CASP4: variants seen among roughly 807,000 people sequenced by gnomAD.
CASP4 encodes the protein caspase-4.
Under a neutral mutation model 41.3 loss-of-function variants are expected in CASP4, and 29 were observed. The observed-to-expected ratio is 0.70, with a 90% CI of 0.52 to 0.96. The LOEUF (loss-of-function observed/expected upper bound fraction) is 0.96. Ranked by LOEUF, CASP4 falls within the 40% of genes least tolerant of loss-of-function variation. CASP4 has a pLI of 0.00. For synonymous variants in CASP4, 185 were observed against 158.4 expected (o/e 1.17, Z -1.26); for missense variants, 447 against 460.6 (o/e 0.97, Z 0.27).
intron 1 of CASP4, among the ~76,000 whole-genome samples, chr11:104,965,028 G>C (rs993453527): frequency 2.6e-5 from 4 of 152,122 alleles, no homozygotes; most frequent in Non-Finnish European, 5.9e-5. Flanking sequence ...TAAAAATAGG[G>C]TCTGGAGAGA....
chr11:104,954,898 C>A lies in CASP4; in HGVS notation c.111G>T (p.Trp37Cys). The A allele has an allele frequency of 6.2e-7, 1 of 1,613,724 alleles. No homozygotes were observed. The highest frequency in any genetic ancestry group is 8.5e-7 in the Non-Finnish European group (1 of 1,179,758). ...DNLVEQNVLN[W>C]KEEEKKKYYD... ...AATATTTCTTTTTTTCCTCTTCCTTCCAGTTCAGTACATTTTGTTCCACCA... is the reference window on the plus strand; with the variant it reads ...AATATTTCTTTTTTTCCTCTTCCTTACAGTTCAGTACATTTTGTTCCACCA... Residue 37 changes from tryptophan (W) to cysteine (C), a missense_variant, in exon 2 of 9, where the codon TGG becomes TGT. Physicochemically the swap from Trp to Cys is radical, Grantham distance 215. Transcript: ENST00000444739.
At chr11:104,951,626 G>A in intron 3 of CASP4, 1 of 477,362 alleles carries the variant, frequency 2.1e-6, no homozygotes, top group Non-Finnish European at 3.8e-6. Flanking sequence ...TGCTACAATT[G>A]CCATAAAATC....
chr11:104,967,916 G>T (rs1219955543), intron 1 of CASP4, among the ~76,000 whole-genome samples: 1 of 152,116 alleles, frequency 6.6e-6, no homozygotes, highest in Non-Finnish European at 1.5e-5. Context: ...TAAAAGTTGT[G>T]TGCAGAATGG....
intron 2 of CASP4, among the ~76,000 whole-genome samples, chr11:104,953,195 C>T (rs921479011): frequency 1.3e-5 from 2 of 152,016 alleles, no homozygotes; most frequent in African/African-American, 4.8e-5. Context: ...CCAAAGAGAG[C>T]TGGATACACT....
intron 8 of CASP4, 176 bp from the exon 9 acceptor site, chr11:104,943,149 A>G (rs1860365833): frequency 2.9e-6 from 1 of 348,892 alleles, no homozygotes; most frequent in Non-Finnish European, 5.6e-6. Context: ...AACCTAATTT[A>G]AAGCATATTA....
At chr11:104,951,750 C>T (rs1860617797) in intron 3 of CASP4, 146 bp downstream of exon 3, 2 of 691,780 alleles carry the variant, frequency 2.9e-6, no homozygotes, top group Non-Finnish European at 5.3e-6. Flanking sequence ...TGTGAAGTCA[C>T]ATAATCTTTC....
At chr11:104,959,169 A>C (rs1860805115) in intron 1 of CASP4, among the ~76,000 whole-genome samples, 1 of 152,098 alleles carries the variant, frequency 6.6e-6, no homozygotes, top group Admixed American at 6.6e-5. Context: ...AATAGCCAAG[A>C]TATAAAATCA....
At chr11:104,947,880 T>TA (rs1860502509) in intron 6 of CASP4, 1 of 152,188 alleles carries the variant, frequency 6.6e-6, no homozygotes, top group Non-Finnish European at 1.5e-5. Flanking sequence ...AGAAGAGAGA[T>TA]ATGTTTATGG....
intron 1 of CASP4, among the ~76,000 whole-genome samples, chr11:104,965,743 A>G (rs935670396): frequency 2.0e-5 from 3 of 152,232 alleles, no homozygotes; most frequent in Admixed American, 6.5e-5. Context: ...CTACAAGACT[A>G]AAAATTACAA....
At chr11:104,944,646 T>C in intron 8 of CASP4, 102 bp downstream of exon 8, 1 of 725,606 alleles carries the variant, frequency 1.4e-6, no homozygotes, top group Middle Eastern at 3.0e-4. Context: ...AAAACACCAA[T>C]TTGACCATCC....
chr11:104,955,650 A>G (rs1453609436), intron 1 of CASP4, among the ~76,000 whole-genome samples: 1 of 152,114 alleles, frequency 6.6e-6, no homozygotes, highest in African/African-American at 2.4e-5. Context: ...AATTGAAAGT[A>G]ACCTGATTCC....
At chr11:104,966,305 A>T (rs564796816) in intron 1 of CASP4, among the ~76,000 whole-genome samples, 2 of 149,782 alleles carry the variant, frequency 1.3e-5, no homozygotes, top group African/African-American at 5.1e-5. Flanking sequence ...AGGCATGTTC[A>T]TTCCCCTATC....
intron 2 of CASP4, among the ~76,000 whole-genome samples, chr11:104,953,614 C>T (rs1340287912): frequency 6.6e-6 from 1 of 152,074 alleles, no homozygotes; most frequent in Non-Finnish European, 1.5e-5. Context: ...TAGGAACACC[C>T]CTTCTTCATA....
chr11:104,954,657 T>C, intron 2 of CASP4, 90 bp downstream of exon 2: 1 of 1,156,324 alleles, frequency 8.6e-7, no homozygotes, highest in Non-Finnish European at 1.3e-6. Context: ...AAGGGAAAGA[T>C]AGGGGAATCA....
intron 1 of CASP4, among the ~76,000 whole-genome samples, chr11:104,965,686 T>C (rs1220229159): frequency 6.6e-6 from 1 of 152,194 alleles, no homozygotes; most frequent in Admixed American, 6.6e-5. Context: ...GAAAAGACCC[T>C]CTTCTTGCCT....
At chr11:104,955,992 T>A (rs887019252) in intron 1 of CASP4, among the ~76,000 whole-genome samples, 52 of 152,098 alleles carry the variant, frequency 3.4e-4, no homozygotes, top group African/African-American at 1.3e-3. Flanking sequence ...GAATTAATAT[T>A]TTCATACGTG....
At chr11:104,959,194 G>A (rs535107785) in intron 1 of CASP4, among the ~76,000 whole-genome samples, 26 of 151,970 alleles carry the variant, frequency 1.7e-4, no homozygotes, top group African/African-American at 6.0e-4. Flanking sequence ...AAATGTCTGT[G>A]GACAGATTAA....
At chr11:104,966,200 C>T (rs1476527255) in intron 1 of CASP4, among the ~76,000 whole-genome samples, 1 of 152,200 alleles carries the variant, frequency 6.6e-6, no homozygotes, top group Non-Finnish European at 1.5e-5. Context: ...GCAAGGTGAA[C>T]CCACCTGGTG....
intron 1 of CASP4, among the ~76,000 whole-genome samples, chr11:104,960,361 TA>T (rs1190492037): frequency 6.6e-6 from 1 of 152,182 alleles, no homozygotes; most frequent in Non-Finnish European, 1.5e-5. Context: ...GGTATTTTCT[TA>T]AGGGAATCCT....
Sources: allele counts gnomAD v4.1 joint callset (sites outside exome capture counted in the v4.1 genomes callset), GRCh38; gene constraint gnomAD v4.1.1; transcripts MANE v1.5; gene names NCBI Gene and HGNC (gene_info 2026-07-23, HGNC 2026-07-21).